Variants in SERPINA1 observed in about 807,000 individuals in gnomAD.
The protein encoded by SERPINA1 is serpin family A member 1, also known as alpha-1-antitrypsin.
Under a neutral mutation model 25.4 loss-of-function variants are expected in SERPINA1, and 21 were observed. The observed-to-expected ratio is 0.83, with a 90% CI of 0.59 to 1.19. The LOEUF is 1.19. SERPINA1 is among the 50% of genes most tolerant of loss of function. SERPINA1 has a pLI of 0.00. For missense variants in SERPINA1, 546 were observed against 509.0 expected, an observed-to-expected ratio of 1.07 and a Z score of -0.70; for synonymous variants, 218 against 211.1, an observed-to-expected ratio of 1.03 and a Z score of -0.29.
chr14:94,383,220 C>G lies in SERPINA1; in HGVS notation c.18G>C (p.Ser6=). 1 of 1,613,312 alleles carries G rather than the reference C, an allele frequency of 6.2e-7. No individual in the cohort carries two copies. Among genetic ancestry groups the G allele is most frequent in the Non-Finnish European group, 8.5e-7 (1 of 1,179,980 alleles). MPSSV[S]WGILLLAGLC... is the part of the protein sequence containing the mutation. Reference sequence around the variant, plus strand: ...GGCCTGCCAGCAGGAGGATGCCCCACGAGACAGAAGACGGCATTGTCCTGC... The same window carrying G: ...GGCCTGCCAGCAGGAGGATGCCCCAGGAGACAGAAGACGGCATTGTCCTGC... The change falls in exon 2 of 5, where the codon TCG becomes TCC. Residue 6 remains serine (S), a synonymous_variant. Coordinates refer to ENST00000393087, the MANE Select transcript of SERPINA1 (RefSeq NM_000295.5).
Position 94,379,612 on chromosome 14 carries a change from C to T in SERPINA1, c.918-1G>A, listed in dbSNP as rs764950047. 2 of 1,614,158 alleles carry T rather than the reference C, an allele frequency of 1.2e-6. No homozygotes were observed. Among genetic ancestry groups the T allele is most frequent in the Non-Finnish European group, 1.7e-6 (2 of 1,180,042 alleles). On this transcript the variant is annotated splice_acceptor_variant, in intron 3 of 4. Transcript: ENST00000393087. LOFTEE classifies it high-confidence loss of function. ...TTTGGGTAAATGTAAGCTGGCAGAC[C>T]TGTCGTGCAGAAAAGAAATTCAAGG...
At position 94,382,815 on chromosome 14, in the gene SERPINA1, G is replaced by A. The variant is rs368415110; in HGVS notation, c.423C>T (p.Gly141=). The A allele has an allele frequency of 6.2e-7, 1 of 1,614,140 alleles. No homozygotes were observed. Among genetic ancestry groups the A allele is most frequent in the African/African-American group, 1.3e-5 (1 of 74,948 alleles). ...GCTTCAGGCCCTCGCTGAGGAACAG[G>A]CCATTGCCGGTGGTCAGCTGGAGCT... ...DSQLQLTTGN[G]LFLSEGLKLV... The change falls in exon 2 of 5, where the codon GGC becomes GGT. Residue 141 remains glycine, a synonymous_variant. Coordinates refer to ENST00000393087, the MANE Select transcript of SERPINA1 (RefSeq NM_000295.5).
chr14:94,381,703 T>G (rs1896930227), intron 2 of SERPINA1, among the ~76,000 whole-genome samples: 1 of 152,212 alleles, frequency 6.6e-6, no homozygotes. Context: ...CAGGGACCCC[T>G]GATCCCAGCT....
At position 94,377,786 on chromosome 14, in the gene SERPINA1, T is replaced by C. The variant is rs1896467422; in HGVS notation, c.*663A>G. ...GACAAGGACAGAATAGGTGTCCTTG[T>C]TGCCCCATGGAGAATGGGCTTCAGG... On this transcript the variant is annotated 3_prime_UTR_variant, in exon 5 of 5. Coordinates refer to ENST00000393087, the MANE Select transcript of SERPINA1 (RefSeq NM_000295.5). 1 of 153,734 alleles carries C rather than the reference T, an allele frequency of 6.5e-6. No homozygotes were observed. The allele number at this position is 153,734 out of a possible 1,614,324, so 9.5% of individuals were successfully genotyped here.
intron 2 of SERPINA1, among the ~76,000 whole-genome samples, 191 bp downstream of exon 2, chr14:94,382,401 T>G (rs1309030630): frequency 3.0e-4 from 45 of 152,356 alleles, no homozygotes; most frequent in Non-Finnish European, 1.5e-5. Context: ...GACAGTTTAA[T>G]CTATTATTTC....
intron 1 of SERPINA1, among the ~76,000 whole-genome samples, chr14:94,386,197 T>G (rs1980617): frequency 0.69 from 105,410 of 152,120 alleles, 36,921 homozygotes; most frequent in African/African-American, 0.78. Flanking sequence ...TCTGGCCAAG[T>G]ACCCCATGGT....
At chr14:94,382,023 A>C (rs1355162761) in intron 2 of SERPINA1, among the ~76,000 whole-genome samples, 2 of 152,164 alleles carry the variant, frequency 1.3e-5, no homozygotes, top group African/African-American at 4.8e-5. Flanking sequence ...AGAGTCCATC[A>C]CCTGCTGTAT....
At chr14:94,380,199 C>A (rs148443991) in intron 3 of SERPINA1, among the ~76,000 whole-genome samples, 1,573 of 152,294 alleles carry the variant, frequency 0.01, no homozygotes, top group Non-Finnish European at 0.015. Flanking sequence ...AGCCTCGATT[C>A]CTATTATGAA....
In SERPINA1 at chr14:94,380,979, C is replaced by T. The variant is rs1896863301; in HGVS notation, c.809G>A (p.Gly270Asp). The T allele has an allele frequency of 3.7e-6, 6 of 1,613,986 alleles. No homozygotes were observed. The highest frequency in any genetic ancestry group is 5.1e-6 in the Non-Finnish European group (6 of 1,180,026). The change falls in exon 3 of 5, where the codon GGC (glycine) becomes GAC (aspartate). Residue 270 changes from glycine to aspartate, a missense_variant. Physicochemically the swap from Gly to Asp is moderately conservative, Grantham distance 94. Coordinates refer to ENST00000393087, the MANE Select transcript of SERPINA1 (RefSeq NM_000295.5). Reference sequence around the variant, plus strand: ...CAGGAAGAAGATGGCGGTGGCATTGCCCAGGTATTTCATCAGCAGCACCCA... The same window carrying T: ...CAGGAAGAAGATGGCGGTGGCATTGTCCAGGTATTTCATCAGCAGCACCCA... Reference protein sequence around the residue: ...SSWVLLMKYLGNATAIFFLPD... With the variant: ...SSWVLLMKYLDNATAIFFLPD...
Position 94,388,473 on chromosome 14 carries a change from C to G in SERPINA1, c.-5+87G>C, listed in dbSNP as rs551683983. 5.2e-5 allele frequency: 8 copies of G among 152,930 alleles called. No individual in the cohort carries two copies. The South Asian group carries it at 1.0e-3, about 20-fold the overall frequency. 9.5% of individuals were successfully genotyped at this position (152,930 alleles called of 1,614,324 possible). A position where few individuals can be genotyped will look rare whatever the true frequency, so the allele number is the denominator to read the frequency against. ...CAGGCGGATACCCACTCCACAACCC[C>G]CCTCCTGCCCCAGACCTGCTGCCTG... On this transcript the variant is annotated intron_variant, in intron 1 of 4. Coordinates refer to ENST00000393087, the MANE Select transcript of SERPINA1 (RefSeq NM_000295.5).
At chr14:94,385,177 G>C (rs1897208352) in intron 1 of SERPINA1, among the ~76,000 whole-genome samples, 1 of 152,240 alleles carries the variant, frequency 6.6e-6, no homozygotes, top group Non-Finnish European at 1.5e-5. Context: ...AGTGGCCTCA[G>C]GGCCAGAGGT....
chr14:94,386,273 C>T (rs1284514303), intron 1 of SERPINA1, among the ~76,000 whole-genome samples: 17 of 152,112 alleles, frequency 1.1e-4, no homozygotes, highest in Non-Finnish European at 4.4e-5. Flanking sequence ...TTTCTGGGAT[C>T]GGGGCAGGTG....
At chr14:94,380,772 C>T in intron 3 of SERPINA1, 99 bp downstream of exon 3, 1 of 1,491,920 alleles carries the variant, frequency 6.7e-7, no homozygotes, top group Non-Finnish European at 9.3e-7. Context: ...ATGTGGGGTT[C>T]ACCCTCCTCA....
In SERPINA1 at chr14:94,378,665, CG is replaced by C. The variant is rs752408532; in HGVS notation, c.1066-26del. 6.2e-6 allele frequency: 10 copies of C among 1,608,824 alleles called. No individual in the cohort carries two copies. In the African/African-American group the frequency reaches 1.1e-4, roughly 17 times the overall value. On this transcript the variant is annotated intron_variant, in intron 4 of 4. Transcript: ENST00000393087. The stretch of plus-strand genomic sequence containing the variant: ...CCTGGAGGGGAGAGAAGCAGAGACA[CG>C]TTGTAAGGCTGATCCCAGGCCTCGA...
intron 1 of SERPINA1, among the ~76,000 whole-genome samples, chr14:94,385,066 T>C (rs980425853): frequency 6.6e-6 from 1 of 152,262 alleles, no homozygotes; most frequent in Non-Finnish European, 1.5e-5. Flanking sequence ...AACTGAACTT[T>C]GTGCAGTCCT....
rs972920720 is a variant in SERPINA1, at chr14:94,379,409, A to C, written c.1065+55T>G. 5 of 1,607,424 alleles carry C rather than the reference A, an allele frequency of 3.1e-6. No individual in the cohort carries two copies. In the African/African-American group the frequency reaches 4.1e-5, roughly 13 times the overall value. ...GCCTCAGGACAGAGCTGCAGCCCCC[A>C]CACATTCTTCCCTACAGATACCAGG... is the stretch of plus-strand genomic sequence containing the variant. On this transcript the variant is annotated intron_variant, in intron 4 of 4. Coordinates refer to ENST00000393087, the MANE Select transcript of SERPINA1 (RefSeq NM_000295.5).
At position 94,382,720 on chromosome 14, in the gene SERPINA1, TC is replaced by T; in HGVS notation, c.517del (p.Asp173ThrfsTer37). ...GATCTGTTTCTTGGCCTCTTCGGTGTCCCCGAAGTTGACAGTGAAGGCTTCT... is the reference window on the plus strand; with the variant it reads ...GATCTGTTTCTTGGCCTCTTCGGTGTCCCGAAGTTGACAGTGAAGGCTTCT... ...HSEAFTVNFG[D>X]TEEAKKQIND... On this transcript the variant is annotated frameshift_variant, in exon 2 of 5. Transcript: ENST00000393087. LOFTEE classifies it high-confidence loss of function. 1 of 1,614,254 alleles carries T rather than the reference TC, an allele frequency of 6.2e-7. No individual in the cohort carries two copies. Among genetic ancestry groups the T allele is most frequent in the Non-Finnish European group, 8.5e-7 (1 of 1,180,052 alleles).
chr14:94,379,231 G>A (rs200358248), intron 4 of SERPINA1: 1 of 620,240 alleles, frequency 1.6e-6, no homozygotes, highest in Non-Finnish European at 2.8e-6. Context: ...TTCAGGGTCA[G>A]TGACACAACC....
chr14:94,378,709 A>G, intron 4 of SERPINA1, 69 bp from the exon 5 acceptor site: 1 of 1,490,510 alleles, frequency 6.7e-7, no homozygotes, highest in Non-Finnish European at 9.0e-7. Context: ...TCACGTGGAC[A>G]CCTCCCAGGA....
Sources: allele counts gnomAD v4.1 joint callset (sites outside exome capture counted in the v4.1 genomes callset), GRCh38; gene constraint gnomAD v4.1.1; transcripts MANE v1.5; gene names NCBI Gene and HGNC (gene_info 2026-07-23, HGNC 2026-07-21).